The following SLIT3 variants were observed in gnomAD, a reference collection of about 807,000 sequenced individuals.
The protein encoded by SLIT3 is slit homolog 3 protein.
In SLIT3, 68 loss-of-function variants were observed where a neutral mutation model predicts 184.0. That is an observed-to-expected ratio of 0.37 (90% CI 0.30 to 0.45). SLIT3 has a LOEUF of 0.45. Ranked by LOEUF, SLIT3 falls within the 20% of genes least tolerant of loss-of-function variation. SLIT3 has a pLI of 1.00. For synonymous variants in SLIT3, 831 were observed against 828.6 expected (o/e 1.00, Z -0.05); for missense variants, 1,707 against 2,026.0 (o/e 0.84, Z 3.02).
chr5:169,288,812 A>G (rs1767245482), intron 1 of SLIT3, among the ~76,000 whole-genome samples: 1 of 152,208 alleles, frequency 6.6e-6, no homozygotes, highest in Non-Finnish European at 1.5e-5. Context: ...TTTAATTTGT[A>G]AAAGATGCAT....
chr5:169,257,470 A>G (rs902501709), intron 1 of SLIT3, among the ~76,000 whole-genome samples: 1 of 135,456 alleles, frequency 7.4e-6, no homozygotes, highest in Admixed American at 7.8e-5. Flanking sequence ...TGTGGAAACT[A>G]TTTGTTATGG....
chr5:168,955,031 C>T (rs1478831728), intron 4 of SLIT3, among the ~76,000 whole-genome samples: 1 of 125,410 alleles, frequency 8.0e-6, no homozygotes, highest in Non-Finnish European at 1.6e-5. Context: ...GGAGGAAGGC[C>T]TGTTCCCTGG....
chr5:169,110,179 C>T (rs540279524), intron 4 of SLIT3, among the ~76,000 whole-genome samples: 1 of 152,324 alleles, frequency 6.6e-6, no homozygotes, highest in Admixed American at 6.5e-5. Context: ...CACAGACACA[C>T]TCATGCTTAC....
intron 7 of SLIT3, among the ~76,000 whole-genome samples, chr5:168,821,425 C>A (rs1316430677): frequency 6.6e-6 from 1 of 152,240 alleles, no homozygotes; most frequent in Non-Finnish European, 1.5e-5. Context: ...AGGCCCAGCA[C>A]CCTGAGGTGC....
intron 27 of SLIT3, among the ~76,000 whole-genome samples, chr5:168,696,827 TAAAG>T (rs1762079152): frequency 6.6e-6 from 1 of 152,088 alleles, no homozygotes; most frequent in African/African-American, 2.4e-5. Context: ...CTTTTGCAAA[TAAAG>T]AGAGACAGCA....
intron 6 of SLIT3, among the ~76,000 whole-genome samples, chr5:168,842,475 T>TTTTTTTTTTG (rs1554147710): frequency 2.5e-4 from 33 of 131,868 alleles, no homozygotes; most frequent in African/African-American, 9.3e-4. Context: ...TTTCGTTTTT[T>TTTTTTTTTTG]TTTTTTTTTT....
chr5:168,926,368 A>T (rs1761823664), intron 4 of SLIT3, among the ~76,000 whole-genome samples: 1 of 152,190 alleles, frequency 6.6e-6, no homozygotes, highest in African/African-American at 2.4e-5. Flanking sequence ...TCTCTAAGAG[A>T]GAACATATAT....
chr5:168,752,522 G>C (rs1357602100), intron 18 of SLIT3: 1 of 167,884 alleles, frequency 6.0e-6, no homozygotes, highest in Non-Finnish European at 1.3e-5. Flanking sequence ...AGTCTCCCAG[G>C]TAGCTGGGAT....
intron 4 of SLIT3, chr5:169,036,113 A>C (rs1469809376): frequency 6.6e-6 from 1 of 152,234 alleles, no homozygotes; most frequent in East Asian, 1.9e-4. Context: ...TGCAAAAATA[A>C]ACCCATCTGC....
At position 169,009,014 on chromosome 5, in the gene SLIT3, C is replaced by T. The variant is rs936041812; in HGVS notation, c.414-125678G>A. ...ATTTGTGTGAGGTCACACAGCTGGT[C>T]GGGCTGGGATTTGAACCAAGGCAGC... On this transcript the variant is annotated intron_variant, in intron 4 of 35. Coordinates refer to ENST00000519560, the MANE Select transcript of SLIT3 (RefSeq NM_003062.4). Among the ~76,000 whole-genome samples the T allele has an allele frequency of 6.6e-5, 10 of 152,206 alleles. No homozygotes were observed. In the South Asian group the frequency reaches 8.3e-4, roughly 13 times the overall value.
At chr5:168,746,134 G>A (rs1763791792) in intron 20 of SLIT3, among the ~76,000 whole-genome samples, 1 of 152,198 alleles carries the variant, frequency 6.6e-6, no homozygotes, top group Non-Finnish European at 1.5e-5. Flanking sequence ...TGCAGTTTGT[G>A]CTTTATGGTG....
At chr5:169,069,708 G>A (rs1012584994) in intron 4 of SLIT3, among the ~76,000 whole-genome samples, 15 of 152,166 alleles carry the variant, frequency 9.9e-5, no homozygotes, top group African/African-American at 3.4e-4. Context: ...GGTTTGGTAT[G>A]AGGAGAGGAA....
At chr5:169,132,274 T>C (rs1466673066) in intron 4 of SLIT3, among the ~76,000 whole-genome samples, 1 of 151,832 alleles carries the variant, frequency 6.6e-6, no homozygotes, top group Non-Finnish European at 1.5e-5. Context: ...AACCTCAAAG[T>C]AGTAAGTTCT....
chr5:169,010,059 G>T (rs1490729696), intron 4 of SLIT3, among the ~76,000 whole-genome samples: 1 of 152,312 alleles, frequency 6.6e-6, no homozygotes, highest in Non-Finnish European at 1.5e-5. Flanking sequence ...AGTTTTACAG[G>T]AGGAAGGAGG....
chr5:168,961,858 ATGTGTG>A (rs35895529), intron 4 of SLIT3, among the ~76,000 whole-genome samples: 4 of 148,414 alleles, frequency 2.7e-5, no homozygotes, highest in Admixed American at 6.7e-5. Flanking sequence ...GCATGCACGC[ATGTGTG>A]TGTGTGTGTG....
intron 3 of SLIT3, among the ~76,000 whole-genome samples, chr5:169,197,447 G>T (rs969560031): frequency 1.3e-5 from 2 of 152,132 alleles, no homozygotes; most frequent in Non-Finnish European, 2.9e-5. Flanking sequence ...TTCCCATGTG[G>T]CTTCTGTGAA....
intron 4 of SLIT3, among the ~76,000 whole-genome samples, chr5:168,970,417 C>A (rs1375869718): frequency 6.6e-6 from 1 of 152,032 alleles, no homozygotes; most frequent in Admixed American, 6.5e-5. Context: ...ATTGCTTGAA[C>A]CCCGCAGGCG....
rs1250509331 is a variant in SLIT3 at position 168,685,768 on chromosome 5, G to A, written c.3474C>T (p.Ile1158=). ...GFAGPRCEKL[I]TVNFVGKDSY... ...AGTCTTTGCCCACGAAGTTGACAGTGATGAGCTTCTCGCATCTGGGGCCGG... is the reference window on the plus strand; with the variant it reads ...AGTCTTTGCCCACGAAGTTGACAGTAATGAGCTTCTCGCATCTGGGGCCGG... Residue 1158 remains isoleucine, a synonymous_variant, in exon 31 of 36, where the codon ATC becomes ATT. Transcript: ENST00000519560. 1 of 1,611,762 alleles carries A rather than the reference G, an allele frequency of 6.2e-7. No individual in the cohort carries two copies. Among genetic ancestry groups the A allele is most frequent in the Non-Finnish European group, 8.5e-7 (1 of 1,178,658 alleles).
rs576090333 is a variant in SLIT3, at chr5:168,889,666, T to C, written c.414-6330A>G. On this transcript the variant is annotated intron_variant, in intron 4 of 35. Coordinates refer to ENST00000519560, the MANE Select transcript of SLIT3 (RefSeq NM_003062.4). Reference sequence around the variant, plus strand: ...CTGATGGATTAAGTGTCAGCTCAGATGCTTATTTCCCTCAAAAATGAATTG... The same window carrying C: ...CTGATGGATTAAGTGTCAGCTCAGACGCTTATTTCCCTCAAAAATGAATTG... Among the ~76,000 whole-genome samples the C allele has an allele frequency of 2.6e-5, 4 of 152,346 alleles. No individual in the cohort carries two copies. In the South Asian group the frequency reaches 8.3e-4, roughly 32 times the overall value.
Sources: allele counts gnomAD v4.1 joint callset (sites outside exome capture counted in the v4.1 genomes callset), GRCh38; gene constraint gnomAD v4.1.1; transcripts MANE v1.5; gene names NCBI Gene and HGNC (gene_info 2026-07-23, HGNC 2026-07-21).